Variants in DLGAP2 observed in about 807,000 individuals in gnomAD.
DLGAP2 encodes the protein disks large-associated protein 2.
DLGAP2 carries 26 observed loss-of-function variants against 100.3 expected under a neutral mutation model. That is an observed-to-expected ratio of 0.26 (90% CI 0.19 to 0.36). The LOEUF (loss-of-function observed/expected upper bound fraction) is 0.36, where lower values mean the gene tolerates loss of function less well. DLGAP2 is among the 10% of genes least tolerant of loss of function. The pLI is 1.00. For synonymous variants in DLGAP2, 886 were observed against 630.1 expected (o/e 1.41, Z -6.08); for missense variants, 1,858 against 1,453.2 (o/e 1.28, Z -4.53).
intron 2 of DLGAP2, among the ~76,000 whole-genome samples, chr8:1,168,906 T>G (rs1245813824): frequency 2.0e-5 from 2 of 102,262 alleles, no homozygotes; most frequent in African/African-American, 3.4e-5. Flanking sequence ...TTTGTCAATT[T>G]TGGCTTTTGT....
At chr8:755,130 CT>C (rs1820889684) in intron 1 of DLGAP2, among the ~76,000 whole-genome samples, 1 of 152,030 alleles carries the variant, frequency 6.6e-6, no homozygotes, top group Admixed American at 6.5e-5. Flanking sequence ...CTTGAGTGTG[CT>C]TTTGTAAATA....
intron 4 of DLGAP2, among the ~76,000 whole-genome samples, chr8:1,520,519 G>A (rs566148579): frequency 5.3e-5 from 8 of 152,234 alleles, no homozygotes; most frequent in Admixed American, 4.6e-4. Flanking sequence ...TTAATGGTGT[G>A]GACTCCCCAC....
chr8:1,475,653 C>G (rs1015585080), intron 3 of DLGAP2, among the ~76,000 whole-genome samples: 17 of 152,146 alleles, frequency 1.1e-4, no homozygotes, highest in African/African-American at 4.1e-4. Flanking sequence ...ATCCCGGGAC[C>G]CACCGCAAGG....
intron 2 of DLGAP2, among the ~76,000 whole-genome samples, chr8:1,101,595 G>A (rs1234512446): frequency 6.6e-6 from 1 of 152,114 alleles, no homozygotes; most frequent in Non-Finnish European, 1.5e-5. Context: ...CGGAGATGGT[G>A]ACACGACAAT....
intron 3 of DLGAP2, among the ~76,000 whole-genome samples, chr8:1,314,536 A>C (rs1002110950): frequency 1.3e-5 from 2 of 152,234 alleles, no homozygotes; most frequent in Non-Finnish European, 2.9e-5. Flanking sequence ...GACATGGCCG[A>C]GTTACCCTCC....
intron 1 of DLGAP2, among the ~76,000 whole-genome samples, chr8:844,329 G>A (rs1585923446): frequency 6.6e-6 from 1 of 152,204 alleles, no homozygotes; most frequent in African/African-American, 2.4e-5. Flanking sequence ...CAGTTGTTAA[G>A]TTCACAGCCA....
At chr8:1,390,277 T>A (rs1421632010) in intron 3 of DLGAP2, among the ~76,000 whole-genome samples, 1 of 152,184 alleles carries the variant, frequency 6.6e-6, no homozygotes, top group Non-Finnish European at 1.5e-5. Context: ...GGCGCAGAAA[T>A]GTGTCTGTCA....
chr8:955,422 T>C (rs1799574822), intron 2 of DLGAP2, among the ~76,000 whole-genome samples: 1 of 152,024 alleles, frequency 6.6e-6, no homozygotes, highest in Non-Finnish European at 1.5e-5. Context: ...TCCTCCCTCC[T>C]CCCCACTGCT....
intron 13 of DLGAP2, among the ~76,000 whole-genome samples, chr8:1,694,022 C>T (rs188546799): frequency 3.9e-4 from 59 of 152,346 alleles, no homozygotes; most frequent in African/African-American, 1.4e-3. Flanking sequence ...TTCCCACACA[C>T]AGCCCAAGGT....
At chr8:1,614,236 C>A (rs952772284) in intron 6 of DLGAP2, among the ~76,000 whole-genome samples, 1 of 152,172 alleles carries the variant, frequency 6.6e-6, no homozygotes, top group African/African-American at 2.4e-5. Flanking sequence ...AGAAAAAAAA[C>A]GGATGGCACA....
chr8:1,098,689 GCCGCC>G (rs1563190839), intron 2 of DLGAP2, among the ~76,000 whole-genome samples: 1 of 129,378 alleles, frequency 7.7e-6, no homozygotes, highest in Non-Finnish European at 1.7e-5. Flanking sequence ...GCCCACGGGC[GCCGCC>G]ACCCACGCCA....
At chr8:1,207,073 A>C (rs2116775836) in intron 2 of DLGAP2, among the ~76,000 whole-genome samples, 1 of 152,220 alleles carries the variant, frequency 6.6e-6, no homozygotes, top group South Asian at 2.1e-4. Flanking sequence ...TCACAGTGTT[A>C]CCTAAATCTG....
chr8:1,578,104 G>C (rs578111219), intron 6 of DLGAP2, among the ~76,000 whole-genome samples: 5 of 152,216 alleles, frequency 3.3e-5, no homozygotes, highest in Non-Finnish European at 7.3e-5. Context: ...ACAGTGCACT[G>C]AGTGTTTTTC....
chr8:876,809 C>T (rs917767217), intron 1 of DLGAP2, among the ~76,000 whole-genome samples: 3 of 152,140 alleles, frequency 2.0e-5, no homozygotes, highest in African/African-American at 7.2e-5. Context: ...TGAGCTCCTT[C>T]AGTTGTCTCT....
chr8:1,503,093 G>C (rs1799782007), intron 4 of DLGAP2, among the ~76,000 whole-genome samples: 1 of 152,212 alleles, frequency 6.6e-6, no homozygotes, highest in Non-Finnish European at 1.5e-5. Flanking sequence ...GGGCGAAGGA[G>C]GCAGAATGTC....
intron 2 of DLGAP2, among the ~76,000 whole-genome samples, chr8:1,168,134 TG>T (rs1268583261): frequency 6.7e-6 from 1 of 148,916 alleles, no homozygotes; most frequent in Non-Finnish European, 1.5e-5. Flanking sequence ...CTGCGGTGTT[TG>T]GTTTTTTGTT....
intron 2 of DLGAP2, among the ~76,000 whole-genome samples, chr8:1,070,299 G>T (rs954360716): frequency 1.3e-5 from 2 of 152,172 alleles, no homozygotes; most frequent in Non-Finnish European, 2.9e-5. Flanking sequence ...CCACAGCAGG[G>T]ACTTAGGCAG....
At position 1,549,439 on chromosome 8, in the gene DLGAP2, A is replaced by G; in HGVS notation, c.986A>G (p.Asp329Gly). The G allele has an allele frequency of 6.2e-7, 1 of 1,613,426 alleles. No individual in the cohort carries two copies. Among genetic ancestry groups the G allele is most frequent in the Non-Finnish European group, 8.5e-7 (1 of 1,179,774 alleles). The change falls in exon 5 of 15, where the codon GAC becomes GGC. Residue 329 changes from aspartate (D) to glycine (G), a missense_variant. Asp to Gly is a moderately conservative substitution (Grantham distance 94). Transcript: ENST00000637795. ...HLGPVAHCYP[D>G]ALQSPFGDLS... ...GGCCCCGTGGCCCACTGCTACCCCG[A>G]CGCGCTGCAGAGCCCCTTCGGGGAC...
At chr8:1,546,213 A>C (rs1801529108) in intron 4 of DLGAP2, among the ~76,000 whole-genome samples, 1 of 152,232 alleles carries the variant, frequency 6.6e-6, no homozygotes. Flanking sequence ...TAGGCACCTG[A>C]AATATAACAC....
Sources: allele counts gnomAD v4.1 joint callset (sites outside exome capture counted in the v4.1 genomes callset), GRCh38; gene constraint gnomAD v4.1.1; transcripts MANE v1.5; gene names NCBI Gene and HGNC (gene_info 2026-07-23, HGNC 2026-07-21).